FRRS1L: variants seen among roughly 807,000 people sequenced by gnomAD.
The protein encoded by FRRS1L is ferric chelate reductase 1 like, also known as DOMON domain-containing protein FRRS1L.
In FRRS1L, 22 loss-of-function variants were observed where a neutral mutation model predicts 28.6. That is an observed-to-expected ratio of 0.77 (90% CI 0.55 to 1.10). The LOEUF is 1.10. Among genes scored for constraint, FRRS1L ranks in the 50% least tolerant of loss-of-function variants. The pLI is 0.00. For synonymous variants in FRRS1L, 158 were observed against 151.4 expected, an observed-to-expected ratio of 1.04 and a Z score of -0.32; for missense variants, 380 against 386.9, an observed-to-expected ratio of 0.98 and a Z score of 0.15.
At chr9:109,151,584 C>A in intron 1 of FRRS1L, 1 of 246,466 alleles carries the variant, frequency 4.1e-6, no homozygotes, top group Non-Finnish European at 8.0e-6. Flanking sequence ...GGAAAACAAG[C>A]TCAGGGCTCC....
intron 1 of FRRS1L, 48 bp from the exon 2 acceptor site, chr9:109,149,768 T>A (rs1831308268): frequency 8.0e-7 from 1 of 1,253,992 alleles, no homozygotes; most frequent in African/African-American, 1.5e-5. Flanking sequence ...TAACAACTGT[T>A]CCAATGAGAA....
At position 109,166,907 on chromosome 9, in the gene FRRS1L, C is replaced by T. The variant is rs925308519; in HGVS notation, c.232G>A (p.Glu78Lys). ...CGCCCTCCCGCAGCCTCACCCTCCT[C>T]CGACAGGTAGCGCAGGTCGTAGAAC... ...GEFYDLRYLS[E>K]EGYPFPTAPP... The change falls in exon 1 of 5, where the codon GAG (glutamate) becomes AAG (lysine). Residue 78 changes from glutamate (E) to lysine (K), a missense_variant. Physicochemically the swap from Glu to Lys is moderately conservative, Grantham distance 56. Coordinates refer to ENST00000561981, the MANE Select transcript of FRRS1L (RefSeq NM_014334.4). 5.2e-6 allele frequency: 7 copies of T among 1,346,958 alleles called. No individual in the cohort carries two copies. In the Admixed American group the frequency reaches 1.6e-4, roughly 31 times the overall value. The allele number at this position is 1,346,958 out of a possible 1,614,324, so 83.4% of individuals were successfully genotyped here.
chr9:109,146,925 T>G, intron 3 of FRRS1L, 126 bp downstream of exon 3: 1 of 876,580 alleles, frequency 1.1e-6, no homozygotes, highest in Non-Finnish European at 1.8e-6. Flanking sequence ...TTTTTTAACT[T>G]GCAATCAGAG....
chr9:109,147,136 C>A lies in FRRS1L; in HGVS notation c.377G>T (p.Arg126Leu), dbSNP rs368103132. Residue 126 changes from arginine (R) to leucine (L), a missense_variant, in exon 3 of 5, where the codon CGG becomes CTG. Transcript: ENST00000561981. ...AETCDYFLSY[R>L]MIGADVEFEL... ...AAATTCTACATCAGCCCCTATCATCCGGTAGCTGAGGAAATAGTCACAGGT... is the reference window on the plus strand; with the variant it reads ...AAATTCTACATCAGCCCCTATCATCAGGTAGCTGAGGAAATAGTCACAGGT... The A allele has an allele frequency of 6.2e-7, 1 of 1,612,942 alleles. No individual in the cohort carries two copies. The highest frequency in any genetic ancestry group is 2.2e-5 in the East Asian group (1 of 44,874).
In FRRS1L at chr9:109,167,097, C is replaced by T. The variant is rs1831564641; in HGVS notation, c.42G>A (p.Ser14=). 3 of 1,180,552 alleles carry T rather than the reference C, an allele frequency of 2.5e-6. No individual in the cohort carries two copies. Among genetic ancestry groups the T allele is most frequent in the South Asian group, 3.4e-5 (1 of 29,624 alleles). The allele number at this position is 1,180,552 out of a possible 1,614,324, so 73.1% of individuals were successfully genotyped here. ...GCCCCGTCAGTAGCAGCAGGAGCAG[C>T]GACGCCCAGACCCCCGGGTGCTGCC... The part of the protein sequence containing the change: ...PPRQHPGVWA[S]LLLLLLTGPA... Residue 14 remains serine, a synonymous_variant, in exon 1 of 5, where the codon TCG becomes TCA. Coordinates refer to ENST00000561981, the MANE Select transcript of FRRS1L (RefSeq NM_014334.4).
intron 2 of FRRS1L, 50 bp from the exon 3 acceptor site, chr9:109,147,239 C>T: frequency 1.4e-6 from 2 of 1,479,314 alleles, no homozygotes; most frequent in Non-Finnish European, 1.9e-6. Context: ...ACACAAAAGA[C>T]ATTAAGAGAG....
rs1437166227 is a variant in FRRS1L, at chr9:109,131,680, T to C, written c.*5775A>G. The C allele has an allele frequency of 3.3e-5, 5 of 152,240 alleles. No homozygotes were observed. Among genetic ancestry groups the C allele is most frequent in the Admixed American group, 3.3e-4 (5 of 15,282 alleles). 9.4% of individuals were successfully genotyped at this position (152,240 alleles called of 1,614,324 possible). On this transcript the variant is annotated 3_prime_UTR_variant, in exon 5 of 5. Coordinates refer to ENST00000561981, the MANE Select transcript of FRRS1L (RefSeq NM_014334.4). The stretch of plus-strand genomic sequence containing the variant: ...GTATCAAATGTATATCACTTTCATA[T>C]CATCGTAAGTTTGAAAACTCTTAAG...
At chr9:109,152,404 T>C (rs1831341400) in intron 1 of FRRS1L, among the ~76,000 whole-genome samples, 1 of 151,996 alleles carries the variant, frequency 6.6e-6, no homozygotes, top group Non-Finnish European at 1.5e-5. Flanking sequence ...TGCCTCAGCC[T>C]CCCAAAGTGC....
chr9:109,158,753 G>C (rs368565465), intron 1 of FRRS1L, among the ~76,000 whole-genome samples: 2 of 152,218 alleles, frequency 1.3e-5, no homozygotes, highest in South Asian at 2.1e-4. Context: ...TAGACATTTG[G>C]GTTGTTTCCA....
At chr9:109,154,043 G>A (rs1427657312) in intron 1 of FRRS1L, among the ~76,000 whole-genome samples, 2 of 152,056 alleles carry the variant, frequency 1.3e-5, no homozygotes, top group Admixed American at 1.3e-4. Context: ...CAATAAGCAA[G>A]TTCTCAGCAA....
chr9:109,158,000 T>C (rs1831432447), intron 1 of FRRS1L, among the ~76,000 whole-genome samples: 1 of 152,256 alleles, frequency 6.6e-6, no homozygotes, highest in Non-Finnish European at 1.5e-5. Context: ...TGTCCTTGTC[T>C]GGTTTTGCTA....
chr9:109,132,187 G>A lies in FRRS1L; in HGVS notation c.*5268C>T, dbSNP rs1287332396. 1.3e-5 allele frequency: 2 copies of A among 152,194 alleles called. No homozygotes were observed. The highest frequency in any genetic ancestry group is 4.8e-5 in the African/African-American group (2 of 41,414). 9.4% of individuals were successfully genotyped at this position (152,194 alleles called of 1,614,324 possible). A position where few individuals can be genotyped will look rare whatever the true frequency, so the allele number is the denominator to read the frequency against. On this transcript the variant is annotated 3_prime_UTR_variant, in exon 5 of 5. Coordinates refer to ENST00000561981, the MANE Select transcript of FRRS1L (RefSeq NM_014334.4). ...AGATGGGGTTTCACCGTGTCAGCCA[G>A]GATGGTCTCGATCTCCTGATCTCGT... is the stretch of plus-strand genomic sequence containing the variant.
At chr9:109,161,721 C>T (rs1262982269) in intron 1 of FRRS1L, among the ~76,000 whole-genome samples, 1 of 152,146 alleles carries the variant, frequency 6.6e-6, no homozygotes, top group Non-Finnish European at 1.5e-5. Context: ...GGCTCACAGC[C>T]TTTAGCTATT....
At chr9:109,154,857 T>C (rs1054764114) in intron 1 of FRRS1L, among the ~76,000 whole-genome samples, 8 of 152,190 alleles carry the variant, frequency 5.3e-5, no homozygotes, top group Non-Finnish European at 1.2e-4. Context: ...AACAGACAAT[T>C]TGGTGGTGGG....
In FRRS1L at chr9:109,141,318, T is replaced by A. The variant is rs1294251686; in HGVS notation, c.709+25A>T. On this transcript the variant is annotated intron_variant, in intron 4 of 4. Coordinates refer to ENST00000561981, the MANE Select transcript of FRRS1L (RefSeq NM_014334.4). Reference sequence around the variant, plus strand: ...AAGCACAGTGGTGTCTGGCGTTTAATCCAGATGCTGAAATGTAAGCTTACC... The same window carrying A: ...AAGCACAGTGGTGTCTGGCGTTTAAACCAGATGCTGAAATGTAAGCTTACC... 8 of 1,612,652 alleles carry A rather than the reference T, an allele frequency of 5.0e-6. No individual in the cohort carries two copies. In the South Asian group the frequency reaches 8.8e-5, roughly 18 times the overall value.
At chr9:109,145,205 A>T (rs1831242751) in intron 3 of FRRS1L, among the ~76,000 whole-genome samples, 1 of 152,102 alleles carries the variant, frequency 6.6e-6, no homozygotes, top group South Asian at 2.1e-4. Context: ...AGAGAGAAAA[A>T]CGCAGCAAGG....
Position 109,130,987 on chromosome 9 carries a change from C to T in FRRS1L, c.*6468G>A, listed in dbSNP as rs963318697. 4 of 152,164 alleles carry T rather than the reference C, an allele frequency of 2.6e-5. 1 individual carries two copies. The highest frequency in any genetic ancestry group is 5.9e-5 in the Non-Finnish European group (4 of 68,016). 9.4% of individuals were successfully genotyped at this position (152,164 alleles called of 1,614,324 possible). A position where few individuals can be genotyped will look rare whatever the true frequency, so the allele number is the denominator to read the frequency against. ...AGCAGTGTGTTTTATGTTAAAAATC[C>T]CAAATAGCTTGATGAATCCATTACA... is the stretch of plus-strand genomic sequence containing the variant. On this transcript the variant is annotated 3_prime_UTR_variant, in exon 5 of 5. Transcript: ENST00000561981.
intron 1 of FRRS1L, among the ~76,000 whole-genome samples, chr9:109,166,549 C>T (rs992287922): frequency 3.3e-5 from 5 of 152,094 alleles, no homozygotes; most frequent in Non-Finnish European, 7.4e-5. Context: ...TATAACCCAA[C>T]CCCAGGCGGC....
At chr9:109,142,341 C>T (rs915908734) in intron 3 of FRRS1L, among the ~76,000 whole-genome samples, 1 of 152,064 alleles carries the variant, frequency 6.6e-6, no homozygotes, top group Non-Finnish European at 1.5e-5. Flanking sequence ...GAGAATAAAG[C>T]ATGTGTGGCT....
Sources: allele counts gnomAD v4.1 joint callset (sites outside exome capture counted in the v4.1 genomes callset), GRCh38; gene constraint gnomAD v4.1.1; transcripts MANE v1.5; gene names NCBI Gene and HGNC (gene_info 2026-07-23, HGNC 2026-07-21).